TMEM232: variants seen among roughly 807,000 people sequenced by gnomAD.
The protein encoded by TMEM232 is transmembrane protein 232.
Under a neutral mutation model 78.8 loss-of-function variants are expected in TMEM232, and 80 were observed. The observed-to-expected ratio is 1.01, with a 90% confidence interval of 0.85 to 1.22. The LOEUF (loss-of-function observed/expected upper bound fraction) is 1.22. Among genes scored for constraint, TMEM232 ranks in the 50% most tolerant of loss-of-function variants. The pLI is 0.00. For synonymous variants in TMEM232, 297 were observed against 254.3 expected (o/e 1.17, Z -1.60); for missense variants, 881 against 742.2 (o/e 1.19, Z -2.17).
intron 3 of TMEM232, among the ~76,000 whole-genome samples, chr5:110,395,367 TG>T (rs1408556100): frequency 6.6e-6 from 1 of 152,164 alleles, no homozygotes; most frequent in Non-Finnish European, 1.5e-5. Flanking sequence ...TCTGTCTTTG[TG>T]CCTTTCAGGG....
At chr5:110,666,993 T>A (rs902311152) in intron 2 of TMEM232, 25 of 344,294 alleles carry the variant, frequency 7.3e-5, no homozygotes, top group African/African-American at 4.3e-4. Flanking sequence ...ATCTATGCAT[T>A]ATTATGACAA....
intron 1 of TMEM232, among the ~76,000 whole-genome samples, chr5:110,700,818 A>ATAGG (rs1318621205): frequency 3.3e-5 from 5 of 151,864 alleles, no homozygotes; most frequent in Non-Finnish European, 5.9e-5. Flanking sequence ...AGATAGATAG[A>ATAGG]TAGATAGATA....
intron 10 of TMEM232, among the ~76,000 whole-genome samples, chr5:110,582,554 G>T (rs532461228): frequency 4.6e-5 from 7 of 151,886 alleles, no homozygotes; most frequent in Non-Finnish European, 1.0e-4. Context: ...CTAATTATTG[G>T]GTACTATGTT....
At chr5:110,578,710 C>T (rs1311901866) in intron 10 of TMEM232, among the ~76,000 whole-genome samples, 4 of 151,844 alleles carry the variant, frequency 2.6e-5, no homozygotes, top group Non-Finnish European at 2.9e-5. Flanking sequence ...AAAAAATTCT[C>T]GTGACATCGG....
At chr5:110,665,232 C>T (rs1404951408) in intron 2 of TMEM232, among the ~76,000 whole-genome samples, 1 of 151,996 alleles carries the variant, frequency 6.6e-6, no homozygotes, top group African/African-American at 2.4e-5. Flanking sequence ...TTTGATCTAG[C>T]AAGTTATTTT....
At chr5:110,685,291 C>A (rs1238254885) in intron 1 of TMEM232, among the ~76,000 whole-genome samples, 1 of 151,714 alleles carries the variant, frequency 6.6e-6, no homozygotes, top group Non-Finnish European at 1.5e-5. Flanking sequence ...GCCAACATTA[C>A]AAATGGGAAA....
intron 10 of TMEM232, among the ~76,000 whole-genome samples, chr5:110,591,533 C>T (rs1371747383): frequency 1.3e-5 from 2 of 152,094 alleles, no homozygotes; most frequent in East Asian, 3.8e-4. Flanking sequence ...CTACATTAAC[C>T]ACCATAACAT....
intron 6 of TMEM232, among the ~76,000 whole-genome samples, chr5:110,626,570 T>C (rs1784452492): frequency 6.6e-6 from 1 of 152,070 alleles, no homozygotes; most frequent in Non-Finnish European, 1.5e-5. Context: ...TATTAATATT[T>C]TGACTTTATT....
chr5:110,573,885 A>G (rs1023630311), intron 10 of TMEM232, among the ~76,000 whole-genome samples: 9 of 152,104 alleles, frequency 5.9e-5, no homozygotes, highest in African/African-American at 2.2e-4. Flanking sequence ...GAACGAATGT[A>G]TTACAAGACA....
chr5:110,427,644 A>G (rs1235972666), intron 12 of TMEM232, among the ~76,000 whole-genome samples: 2 of 151,922 alleles, frequency 1.3e-5, no homozygotes, highest in Admixed American at 6.6e-5. Flanking sequence ...TCAAAGTGTT[A>G]GCAGTCTTGG....
At chr5:110,659,031 G>T (rs143644079) in intron 2 of TMEM232, among the ~76,000 whole-genome samples, 2 of 152,018 alleles carry the variant, frequency 1.3e-5, no homozygotes, top group Non-Finnish European at 2.9e-5. Context: ...CCTCAAAAAA[G>T]GAAATGGAAT....
chr5:110,720,262 G>C (rs1164037927), intron 1 of TMEM232, among the ~76,000 whole-genome samples: 1 of 152,034 alleles, frequency 6.6e-6, no homozygotes, highest in African/African-American at 2.4e-5. Context: ...GTTGCAACGA[G>C]GGAAATTAGG....
intron 2 of TMEM232, among the ~76,000 whole-genome samples, chr5:110,654,304 T>A (rs542193628): frequency 1.6e-4 from 25 of 152,348 alleles, no homozygotes; most frequent in Admixed American, 7.2e-4. Context: ...AAGTCTTTAA[T>A]CCATCTTGAA....
At chr5:110,441,592 G>A (rs1759049538) in intron 12 of TMEM232, among the ~76,000 whole-genome samples, 1 of 152,160 alleles carries the variant, frequency 6.6e-6, no homozygotes, top group Non-Finnish European at 1.5e-5. Flanking sequence ...GAAGACTACA[G>A]ACTATGACAA....
intron 8 of TMEM232, among the ~76,000 whole-genome samples, chr5:110,607,596 A>G (rs567535121): frequency 6.6e-6 from 1 of 152,098 alleles, no homozygotes; most frequent in South Asian, 2.1e-4. Flanking sequence ...GTGTACATTA[A>G]TGTATGAAGT....
chr5:110,663,507 T>G (rs867520911), intron 2 of TMEM232, among the ~76,000 whole-genome samples: 22 of 152,064 alleles, frequency 1.4e-4, no homozygotes, highest in African/African-American at 4.8e-4. Flanking sequence ...TGGCAAAAAT[T>G]AATAAATCTA....
intron 1 of TMEM232, among the ~76,000 whole-genome samples, 158 bp from the exon 2 acceptor site, chr5:110,667,522 C>A (rs1478167120): frequency 6.6e-6 from 1 of 151,970 alleles, no homozygotes; most frequent in East Asian, 1.9e-4. Context: ...AATAAGTAAA[C>A]CATAAGGATA....
At chr5:110,545,820 T>A (rs1453235624) in intron 11 of TMEM232, among the ~76,000 whole-genome samples, 4 of 152,016 alleles carry the variant, frequency 2.6e-5, no homozygotes, top group African/African-American at 9.7e-5. Context: ...ATATTTTAGG[T>A]CATATACCAG....
At chr5:110,678,315 T>G (rs1792295110) in intron 1 of TMEM232, among the ~76,000 whole-genome samples, 1 of 152,112 alleles carries the variant, frequency 6.6e-6, no homozygotes, top group Non-Finnish European at 1.5e-5. Context: ...TTCCCCTGCC[T>G]CAGCCTCCCA....
Sources: gnomAD v4.1 joint callset for allele counts (sites outside exome capture counted in the v4.1 genomes callset) on GRCh38, gnomAD v4.1.1 for gene constraint, MANE v1.5 for transcripts, NCBI Gene and HGNC (gene_info 2026-07-23, HGNC 2026-07-21) for gene names.